AIM2: variants seen among roughly 807,000 people sequenced by gnomAD.
The protein encoded by AIM2 is interferon-inducible protein AIM2.
AIM2 carries 30 observed loss-of-function variants against 27.7 expected under a neutral mutation model. The observed-to-expected ratio is 1.08, with a 90% CI of 0.81 to 1.47. The LOEUF (loss-of-function observed/expected upper bound fraction) is 1.47. Among genes scored for constraint, AIM2 ranks in the 40% most tolerant of loss-of-function variants. AIM2 has a pLI of 0.00. For missense variants in AIM2, 358 were observed against 411.3 expected (o/e 0.87, Z 1.12); for synonymous variants, 141 against 145.3 (o/e 0.97, Z 0.21).
upstream of AIM2, among the ~76,000 whole-genome samples, chr1:159,143,165 A>G (rs568920532): frequency 1.3e-5 from 2 of 152,276 alleles, no homozygotes; most frequent in East Asian, 3.9e-4. Flanking sequence ...CAATTACAAC[A>G]TCTCCCACTT....
intron 1 of AIM2, among the ~76,000 whole-genome samples, chr1:159,108,332 C>T (rs1329904751): frequency 6.6e-6 from 1 of 152,140 alleles, no homozygotes; most frequent in Non-Finnish European, 1.5e-5. Context: ...AAGCATTCAA[C>T]AAAATCCAGC....
intron 1 of AIM2, among the ~76,000 whole-genome samples, chr1:159,095,631 T>C (rs1306587864): frequency 6.6e-6 from 1 of 152,182 alleles, no homozygotes; most frequent in African/African-American, 2.4e-5. Context: ...ATAGAAAATG[T>C]ATGTAAATTA....
In AIM2 at chr1:159,126,273, C is replaced by T. The variant is rs572459409; in HGVS notation, c.-16+14158G>A. 1.6e-4 allele frequency among the ~76,000 whole-genome samples: 24 copies of T among 152,274 alleles called. No individual in the cohort carries two copies. In the South Asian group the frequency reaches 5.0e-3, roughly 32 times the overall value. On this transcript the variant is annotated intron_variant, in intron 1 of 2. Coordinates refer to the AIM2 transcript ENST00000368129. ...CCCATTTCCTGCACTGTGGCCACTGCTATAGGTAGTTACCAGGTAATATCT... is the reference window on the plus strand; with the variant it reads ...CCCATTTCCTGCACTGTGGCCACTGTTATAGGTAGTTACCAGGTAATATCT...
chr1:159,138,087 G>T (rs139412507), intron 1 of AIM2, among the ~76,000 whole-genome samples: 8 of 152,172 alleles, frequency 5.3e-5, no homozygotes, highest in Admixed American at 1.3e-4. Flanking sequence ...TTCATTATGG[G>T]CATGGGAAAG....
At chr1:159,132,037 C>T (rs553963521) in intron 1 of AIM2, among the ~76,000 whole-genome samples, 1 of 151,932 alleles carries the variant, frequency 6.6e-6, no homozygotes, top group South Asian at 2.1e-4. Flanking sequence ...TTCATGGGGG[C>T]AAATGCTGTG....
chr1:159,127,028 C>A (rs1647713658), intron 1 of AIM2, among the ~76,000 whole-genome samples: 1 of 152,038 alleles, frequency 6.6e-6, no homozygotes, highest in African/African-American at 2.4e-5. Flanking sequence ...GTTTAAAAAG[C>A]AAAACAAAGT....
At chr1:159,079,148 A>G (rs1656713940), upstream of AIM2, among the ~76,000 whole-genome samples, 1 of 152,184 alleles carries the variant, frequency 6.6e-6, no homozygotes, top group Non-Finnish European at 1.5e-5. Context: ...AGGGTAGAAG[A>G]AGAAATATAT....
intron 1 of AIM2, among the ~76,000 whole-genome samples, chr1:159,126,830 C>G (rs867990587): frequency 7.9e-5 from 12 of 152,030 alleles, no homozygotes; most frequent in African/African-American, 2.7e-4. Flanking sequence ...AGACAAAAAA[C>G]CTGGAAAAAA....
chr1:159,062,592 C>T lies in AIM2; in HGVS notation c.*100G>A. On this transcript the variant is annotated 3_prime_UTR_variant, in exon 6 of 6. Coordinates refer to ENST00000368130, the MANE Select transcript of AIM2 (RefSeq NM_004833.3). ...GGAGAGAGGAGCCTGTGAACTGCAG[C>T]TTTCAGGTAACTTACAATCTGATTG... The T allele has an allele frequency of 1.7e-6, 2 of 1,176,900 alleles. No homozygotes were observed. Among genetic ancestry groups the T allele is most frequent in the South Asian group, 1.3e-5 (1 of 75,952 alleles). 72.9% of individuals were successfully genotyped at this position (1,176,900 alleles called of 1,614,324 possible).
intron 1 of AIM2, among the ~76,000 whole-genome samples, chr1:159,094,938 C>CA (rs1161388200): frequency 6.6e-6 from 1 of 151,820 alleles, no homozygotes; most frequent in African/African-American, 2.4e-5. Context: ...CCCTGAATAT[C>CA]AAAAAAATTA....
chr1:159,067,320 G>A (rs1423072909), intron 3 of AIM2, among the ~76,000 whole-genome samples: 2 of 152,164 alleles, frequency 1.3e-5, no homozygotes, highest in Non-Finnish European at 2.9e-5. Flanking sequence ...ACAGAGATAA[G>A]ACACCTCTTT....
intron 1 of AIM2, among the ~76,000 whole-genome samples, chr1:159,134,386 G>T (rs1647975006): frequency 6.6e-6 from 1 of 152,166 alleles, no homozygotes; most frequent in Non-Finnish European, 1.5e-5. Flanking sequence ...TTATTCTTTG[G>T]CTTAAAATCT....
chr1:159,070,468 C>T (rs1656306208), intron 2 of AIM2, among the ~76,000 whole-genome samples: 1 of 152,138 alleles, frequency 6.6e-6, no homozygotes, highest in Admixed American at 6.6e-5. Flanking sequence ...AAGCCAACTC[C>T]TACTCCTGAT....
chr1:159,110,126 C>T (rs896431706), intron 1 of AIM2, among the ~76,000 whole-genome samples: 8 of 152,278 alleles, frequency 5.3e-5, no homozygotes, highest in Non-Finnish European at 1.2e-4. Flanking sequence ...TATAGCAGCA[C>T]AATTTGCAAT....
chr1:159,128,772 T>C (rs1046827141), intron 1 of AIM2, among the ~76,000 whole-genome samples: 3 of 152,228 alleles, frequency 2.0e-5, no homozygotes, highest in African/African-American at 7.2e-5. Flanking sequence ...TTCTCCACAC[T>C]GCTCCACAAA....
rs987873854 is a variant in AIM2 at position 159,073,355 on chromosome 1, C to G, written c.145G>C (p.Ala49Pro). 6.2e-7 allele frequency: 1 copy of G among 1,614,212 alleles called. No individual in the cohort carries two copies. The highest frequency in any genetic ancestry group is 8.5e-7 in the Non-Finnish European group (1 of 1,180,040). ...KLHTANRIQV[A>P]TLMIQNAGAV... ...CCAGCATTTTGAATCATCAAGGTAG[C>G]TACTTGTATTCTGTTTGCAGTATGT... The change falls in exon 2 of 6, where the codon GCT becomes CCT. Residue 49 changes from alanine (A) to proline (P), a missense_variant. Ala to Pro is a conservative substitution (Grantham distance 27, BLOSUM62 -1). Coordinates refer to ENST00000368130, the MANE Select transcript of AIM2 (RefSeq NM_004833.3).
intron 1 of AIM2, among the ~76,000 whole-genome samples, chr1:159,082,119 A>C (rs1218542082): frequency 6.6e-6 from 1 of 151,372 alleles, no homozygotes; most frequent in Admixed American, 6.6e-5. Context: ...AATAGATCAT[A>C]TCTGAGGATT....
rs559119905 is a variant in AIM2 at position 159,120,445 on chromosome 1, C to T, written c.-16+19986G>A. Among the ~76,000 whole-genome samples, 158 of 152,306 alleles carry T rather than the reference C, an allele frequency of 1.0e-3. 2 individuals carry two copies. The South Asian group carries it at 0.032, about 31-fold the overall frequency. ...TAGGACAGCTTGTTCTCTTGCCCTT[C>T]TGTGACTGCCTGTGTCATTATCACA... On this transcript the variant is annotated intron_variant, in intron 1 of 2. Coordinates refer to the AIM2 transcript ENST00000368129.
chr1:159,063,703 T>C (rs1655952333), intron 4 of AIM2, 29 bp from the exon 5 acceptor site: 1 of 1,600,042 alleles, frequency 6.2e-7, no homozygotes, highest in Non-Finnish European at 8.5e-7. Flanking sequence ...ACCCAGCCTC[T>C]GATAATCGGA....
Sources: gnomAD v4.1 joint callset for allele counts (sites outside exome capture counted in the v4.1 genomes callset) on GRCh38, gnomAD v4.1.1 for gene constraint, MANE v1.5 for transcripts, NCBI Gene and HGNC (gene_info 2026-07-23, HGNC 2026-07-21) for gene names.